SPOCK1: variants seen among roughly 807,000 people sequenced by gnomAD.
SPOCK1 encodes the protein SPARC (osteonectin), cwcv and kazal like domains proteoglycan 1.
In SPOCK1, 23 loss-of-function variants were observed where a neutral mutation model predicts 55.3. The ratio of observed to expected loss-of-function variants is 0.42; its 90% CI spans 0.30 to 0.59. The LOEUF (loss-of-function observed/expected upper bound fraction) is 0.59, where lower values mean the gene tolerates loss of function less well. Ranked by LOEUF, SPOCK1 falls within the 20% of genes least tolerant of loss-of-function variation. The probability of loss-of-function intolerance (pLI) is 0.22; values close to 1 mark genes in which losing one functional copy is unlikely to be tolerated. For synonymous variants in SPOCK1, 226 were observed against 221.0 expected (o/e 1.02, Z -0.20); for missense variants, 499 against 552.5 (o/e 0.90, Z 0.97).
At chr5:137,481,011 C>T (rs944509601) in intron 2 of SPOCK1, among the ~76,000 whole-genome samples, 3 of 152,166 alleles carry the variant, frequency 2.0e-5, no homozygotes, top group African/African-American at 4.8e-5. Context: ...AAACTTCTCA[C>T]GAATTCCTTT....
intron 2 of SPOCK1, among the ~76,000 whole-genome samples, chr5:137,347,827 C>G (rs1263377849): frequency 6.6e-6 from 1 of 152,094 alleles, no homozygotes; most frequent in African/African-American, 2.4e-5. Context: ...ACAGGCGTAA[C>G]GTGATGGCTC....
intron 2 of SPOCK1, among the ~76,000 whole-genome samples, chr5:137,400,601 G>C (rs1751952915): frequency 6.6e-6 from 1 of 152,178 alleles, no homozygotes; most frequent in Non-Finnish European, 1.5e-5. Flanking sequence ...GAGGAACCAA[G>C]TGGAAGAACT....
chr5:137,195,792 C>T (rs1235707878), intron 3 of SPOCK1, among the ~76,000 whole-genome samples: 2 of 152,200 alleles, frequency 1.3e-5, no homozygotes, highest in African/African-American at 4.8e-5. Context: ...TGGTTGGCAG[C>T]ACCAGGGAAA....
intron 6 of SPOCK1, among the ~76,000 whole-genome samples, chr5:137,027,873 T>G (rs1222436089): frequency 6.6e-6 from 1 of 152,168 alleles, no homozygotes; most frequent in Non-Finnish European, 1.5e-5. Flanking sequence ...CTGAAAAGCC[T>G]GCTGGGCAAG....
At chr5:137,212,969 C>T (rs1251524055) in intron 3 of SPOCK1, among the ~76,000 whole-genome samples, 1 of 152,124 alleles carries the variant, frequency 6.6e-6, no homozygotes, top group East Asian at 1.9e-4. Flanking sequence ...AGGTGCTCAG[C>T]CAGGTCTAGG....
intron 3 of SPOCK1, among the ~76,000 whole-genome samples, chr5:137,195,493 G>A (rs953129340): frequency 2.6e-5 from 4 of 152,214 alleles, no homozygotes; most frequent in Admixed American, 6.5e-5. Flanking sequence ...GAGTTCCAGC[G>A]CTGACATCAT....
At chr5:136,985,016 A>G in intron 9 of SPOCK1, 124 bp downstream of exon 9, 2 of 1,017,356 alleles carry the variant, frequency 2.0e-6, no homozygotes, top group East Asian at 2.4e-5. Context: ...GCCTGGGGTT[A>G]AAACAAGGCA....
chr5:137,087,222 G>A (rs1384606969), intron 5 of SPOCK1, among the ~76,000 whole-genome samples: 3 of 152,096 alleles, frequency 2.0e-5, no homozygotes, highest in Non-Finnish European at 2.9e-5. Context: ...CACTAGGTGG[G>A]CTCCCTTCCT....
intron 2 of SPOCK1, among the ~76,000 whole-genome samples, chr5:137,342,621 G>A (rs779046239): frequency 2.8e-4 from 43 of 152,156 alleles, no homozygotes; most frequent in Non-Finnish European, 5.7e-4. Context: ...GTAGGTTCCT[G>A]GAAGAAAATG....
At chr5:137,030,827 A>G (rs1674987379) in intron 6 of SPOCK1, among the ~76,000 whole-genome samples, 1 of 152,200 alleles carries the variant, frequency 6.6e-6, no homozygotes, top group Non-Finnish European at 1.5e-5. Context: ...AAAAAAGTCA[A>G]CTTAAACCTG....
intron 5 of SPOCK1, among the ~76,000 whole-genome samples, chr5:137,072,694 T>C (rs569488324): frequency 6.6e-6 from 1 of 152,360 alleles, no homozygotes; most frequent in Non-Finnish European, 1.5e-5. Context: ...CCGAGTACAT[T>C]TCTCTACCAC....
chr5:137,191,479 T>C (rs1252551139), intron 3 of SPOCK1, among the ~76,000 whole-genome samples: 1 of 152,100 alleles, frequency 6.6e-6, no homozygotes, highest in Non-Finnish European at 1.5e-5. Flanking sequence ...AGAAGTCTAA[T>C]GTACTTGGAC....
At chr5:137,188,897 G>C (rs1755123944) in intron 3 of SPOCK1, among the ~76,000 whole-genome samples, 1 of 152,210 alleles carries the variant, frequency 6.6e-6, no homozygotes, top group Non-Finnish European at 1.5e-5. Flanking sequence ...ACAAATTACA[G>C]AAAACCGAAA....
chr5:137,015,580 C>A (rs932755540), intron 6 of SPOCK1, among the ~76,000 whole-genome samples: 4 of 152,220 alleles, frequency 2.6e-5, no homozygotes, highest in Non-Finnish European at 5.9e-5. Context: ...ATCTGGGAAG[C>A]ACAGTCAGAG....
chr5:137,101,529 A>G (rs1030303370), intron 5 of SPOCK1, among the ~76,000 whole-genome samples: 7 of 152,252 alleles, frequency 4.6e-5, no homozygotes, highest in African/African-American at 1.7e-4. Context: ...TATTCTTCAA[A>G]TCTTGGTTAA....
At chr5:137,162,098 A>G (rs1350637724) in intron 3 of SPOCK1, among the ~76,000 whole-genome samples, 3 of 147,438 alleles carry the variant, frequency 2.0e-5, no homozygotes, top group Non-Finnish European at 4.5e-5. Context: ...TTATCAATGT[A>G]CCATTCCCAT....
At chr5:137,164,494 T>C (rs1038054770) in intron 3 of SPOCK1, among the ~76,000 whole-genome samples, 2 of 152,136 alleles carry the variant, frequency 1.3e-5, no homozygotes, top group African/African-American at 2.4e-5. Flanking sequence ...TGTGCTGGCT[T>C]CAGGAGAGAC....
At chr5:137,384,322 C>G (rs1287796405) in intron 2 of SPOCK1, among the ~76,000 whole-genome samples, 1 of 152,152 alleles carries the variant, frequency 6.6e-6, no homozygotes, top group Non-Finnish European at 1.5e-5. Context: ...CAGGTTCCAC[C>G]ATATCTGGAA....
At chr5:137,192,322 G>A (rs930917858) in intron 3 of SPOCK1, among the ~76,000 whole-genome samples, 1 of 151,894 alleles carries the variant, frequency 6.6e-6, no homozygotes. Context: ...GACGGAGGGA[G>A]GAATGAGTTG....
Sources: gnomAD v4.1 joint callset for allele counts (sites outside exome capture counted in the v4.1 genomes callset) on GRCh38, gnomAD v4.1.1 for gene constraint, MANE v1.5 for transcripts, NCBI Gene and HGNC (gene_info 2026-07-23, HGNC 2026-07-21) for gene names.